The following NCLN variants were observed in gnomAD, a reference collection of about 807,000 sequenced individuals.
NCLN encodes the protein BOS complex subunit NCLN.
A neutral mutation model predicts 69.5 loss-of-function variants in NCLN; 34 were observed. That is an observed-to-expected ratio of 0.49 (90% CI 0.37 to 0.65). The LOEUF is 0.65. NCLN is among the 30% of genes least tolerant of loss of function. The pLI, the probability that NCLN is intolerant of heterozygous loss-of-function variation, is 0.00. For synonymous variants in NCLN, 393 were observed against 358.3 expected, an observed-to-expected ratio of 1.10 and a Z score of -1.09; for missense variants, 710 against 804.8, an observed-to-expected ratio of 0.88 and a Z score of 1.42.
chr19:3,200,702 A>T (rs989718999), intron 5 of NCLN, among the ~76,000 whole-genome samples: 2 of 152,056 alleles, frequency 1.3e-5, no homozygotes, highest in Admixed American at 6.5e-5. Context: ...TACGGTCTCC[A>T]CCTCTAATTC....
rs749285657 is a variant in NCLN, at chr19:3,208,126, C to T, written c.*438C>T. 3.5e-5 allele frequency: 6 copies of T among 170,846 alleles called. No individual in the cohort carries two copies. 10.6% of individuals were successfully genotyped at this position (170,846 alleles called of 1,614,324 possible). A position where few individuals can be genotyped will look rare whatever the true frequency, so the allele number is the denominator to read the frequency against. On this transcript the variant is annotated 3_prime_UTR_variant, in exon 15 of 15. Transcript: ENST00000246117. Reference sequence around the variant, plus strand: ...ACCTGCTCCCTGCTCCGTGTCTGTCCTAGGACGTCCCCTCCCGCTCCCCGA... The same window carrying T: ...ACCTGCTCCCTGCTCCGTGTCTGTCTTAGGACGTCCCCTCCCGCTCCCCGA...
intron 1 of NCLN, among the ~76,000 whole-genome samples, chr19:3,191,029 C>G (rs1389494485): frequency 1.4e-5 from 2 of 144,794 alleles, no homozygotes; most frequent in East Asian, 4.1e-4. Context: ...GCAGGGAGAT[C>G]GTCGTGGTGC....
intron 1 of NCLN, among the ~76,000 whole-genome samples, chr19:3,188,775 G>A (rs1182657786): frequency 2.6e-5 from 4 of 152,200 alleles, no homozygotes; most frequent in Admixed American, 6.5e-5. Flanking sequence ...TGGGGCAGCC[G>A]CCCTGCCTCA....
chr19:3,206,338 A>G lies in NCLN; in HGVS notation c.1412A>G (p.Lys471Arg), dbSNP rs1916268290. 2 of 1,548,226 alleles carry G rather than the reference A, an allele frequency of 1.3e-6. No individual in the cohort carries two copies. The change falls in exon 12 of 15, where the codon AAG becomes AGG. Residue 471 changes from lysine (K) to arginine (R), a missense_variant. By Grantham distance (26) the Lys-to-Arg change is conservative (BLOSUM62 2). Transcript: ENST00000246117. ...NQPRAAQLVD[K>R]DSTFLSTLEH... ...CCGCGGGCCGCGCAGCTGGTGGACA[A>G]GGACAGCACCTTCCTCAGCACGCTG...
At chr19:3,192,252 G>GCC (rs2144898315) in intron 1 of NCLN, among the ~76,000 whole-genome samples, 1 of 152,262 alleles carries the variant, frequency 6.6e-6, no homozygotes, top group East Asian at 1.9e-4. Context: ...GTGGCACTGA[G>GCC]CCTGTGGGCA....
chr19:3,199,885 A>G (rs1338867163), intron 5 of NCLN, among the ~76,000 whole-genome samples: 2 of 151,526 alleles, frequency 1.3e-5, no homozygotes, highest in Non-Finnish European at 2.9e-5. Context: ...TATTTTTAGT[A>G]GAGACGGGGT....
chr19:3,193,570 G>A lies in NCLN; in HGVS notation c.520+142G>A, dbSNP rs992499253. 19 of 1,028,216 alleles carry A rather than the reference G, an allele frequency of 1.8e-5. No individual in the cohort carries two copies. In the Admixed American group the frequency reaches 5.9e-4, roughly 32 times the overall value. The allele number at this position is 1,028,216 out of a possible 1,614,324, so 63.7% of individuals were successfully genotyped here. A position where few individuals can be genotyped will look rare whatever the true frequency, so the allele number is the denominator to read the frequency against. The stretch of plus-strand genomic sequence containing the variant: ...CCGGGGTTAACAGTGGGGGTTCCTG[G>A]GCCCCGTGTGGACCTGCTACATCAC... On this transcript the variant is annotated intron_variant, in intron 3 of 14. Transcript: ENST00000246117.
chr19:3,189,775 C>T lies in NCLN; in HGVS notation c.185-2695C>T, dbSNP rs536300694. ...CTGGGGCCACCCAAGGCCATCTGTT[C>T]TCCTGGGGAGATGGGCCTTGGCCAC... On this transcript the variant is annotated intron_variant, in intron 1 of 14. Coordinates refer to ENST00000246117, the MANE Select transcript of NCLN (RefSeq NM_020170.4). Among the ~76,000 whole-genome samples, 69 of 152,374 alleles carry T rather than the reference C, an allele frequency of 4.5e-4. No individual in the cohort carries two copies. The Middle Eastern group carries it at 0.01, about 23-fold the overall frequency.
chr19:3,200,595 C>T (rs1916100957), intron 5 of NCLN, among the ~76,000 whole-genome samples: 1 of 152,160 alleles, frequency 6.6e-6, no homozygotes, highest in African/African-American at 2.4e-5. Flanking sequence ...CAGGCGTGAG[C>T]CACCGAGCCC....
At chr19:3,202,144 T>A (rs1435103701) in intron 6 of NCLN, among the ~76,000 whole-genome samples, 1 of 152,038 alleles carries the variant, frequency 6.6e-6, no homozygotes, top group African/African-American at 2.4e-5. Flanking sequence ...CCCGAGAGAC[T>A]ATGTCCCGTG....
chr19:3,191,244 A>C (rs12609042), intron 1 of NCLN, among the ~76,000 whole-genome samples: 1 of 151,882 alleles, frequency 6.6e-6, no homozygotes, highest in African/African-American at 2.4e-5. Context: ...TTTTGCTGAG[A>C]GAGGAGGGAA....
At chr19:3,196,989 A>T (rs888616464) in intron 4 of NCLN, among the ~76,000 whole-genome samples, 1 of 152,162 alleles carries the variant, frequency 6.6e-6, no homozygotes, top group Non-Finnish European at 1.5e-5. Flanking sequence ...GGGGTGCCCG[A>T]GTGGAAAAGC....
rs375496046 is a variant in NCLN at position 3,205,533 on chromosome 19, C to T, written c.1209-406C>T. Among the ~76,000 whole-genome samples, 93 of 152,308 alleles carry T rather than the reference C, an allele frequency of 6.1e-4. No homozygotes were observed. Among genetic ancestry groups the T allele is most frequent in the Middle Eastern group, 3.4e-3 (1 of 294 alleles). Reference sequence around the variant, plus strand: ...TTGCCAGGAAATGAGGGTGGGTGCACGGCTGTCCCAGCTGTGCTGAGCTCT... The same window carrying T: ...TTGCCAGGAAATGAGGGTGGGTGCATGGCTGTCCCAGCTGTGCTGAGCTCT... On this transcript the variant is annotated intron_variant, in intron 9 of 14. Transcript: ENST00000246117. This position sits in a 1 kb window ranked among gnomAD's most constrained non-coding sequence, Gnocchi z 4.6.
At chr19:3,192,391 G>A (rs1915848214) in intron 1 of NCLN, 79 bp from the exon 2 acceptor site, 3 of 1,220,270 alleles carry the variant, frequency 2.5e-6, no homozygotes, top group East Asian at 2.9e-5. Context: ...GCTGCTGAGT[G>A]GGTCCCTGGC....
chr19:3,206,623 G>C (rs766095165), intron 12 of NCLN, among the ~76,000 whole-genome samples, 198 bp downstream of exon 12: 15 of 152,314 alleles, frequency 9.8e-5, no homozygotes, highest in Non-Finnish European at 1.6e-4. Flanking sequence ...ATCACTTGAG[G>C]TCAGGAGTTC....
Position 3,186,146 on chromosome 19 carries a change from C to T in NCLN, c.116C>T (p.Ala39Val). ...VLLLVAPPLP[A>V]ADAAHEFTVY... ...CTGCTGGTGGCGCCGCCGCTGCCTG[C>T]CGCCGACGCCGCGCACGAGTTCACC... Residue 39 changes from alanine (A) to valine (V), a missense_variant, in exon 1 of 15, where the codon GCC becomes GTC. By Grantham distance (64) the Ala-to-Val change is moderately conservative. Coordinates refer to ENST00000246117, the MANE Select transcript of NCLN (RefSeq NM_020170.4). 1 of 1,596,212 alleles carries T rather than the reference C, an allele frequency of 6.3e-7. No homozygotes were observed. Among genetic ancestry groups the T allele is most frequent in the Non-Finnish European group, 8.5e-7 (1 of 1,173,596 alleles).
At chr19:3,198,218 ACCT>A (rs1035025229) in intron 4 of NCLN, among the ~76,000 whole-genome samples, 12 of 151,688 alleles carry the variant, frequency 7.9e-5, no homozygotes, top group African/African-American at 2.7e-4. Flanking sequence ...TAAAAACTTA[ACCT>A]CCTGGCCGGG....
intron 8 of NCLN, 75 bp from the exon 9 acceptor site, chr19:3,204,498 C>A: frequency 1.4e-6 from 2 of 1,438,646 alleles, no homozygotes; most frequent in South Asian, 2.9e-5. Flanking sequence ...TGGGAGGCCC[C>A]TGGAGCATTT....
In NCLN at chr19:3,192,416, T is replaced by TC. The variant is rs936488212; in HGVS notation, c.185-51dup. 3.4e-6 allele frequency: 5 copies of TC among 1,456,100 alleles called. No individual in the cohort carries two copies. The African/African-American group carries it at 7.3e-5, about 21-fold the overall frequency. 90.2% of individuals were successfully genotyped at this position (1,456,100 alleles called of 1,614,324 possible). ...GGGTCCCTGGCCTGGATCTGTCCCC[T>TC]CCCGTCGGCCTGGCCACCCGCCGAG... On this transcript the variant is annotated intron_variant, in intron 1 of 14. Transcript: ENST00000246117.
Sources: gnomAD v4.1 joint callset for allele counts (sites outside exome capture counted in the v4.1 genomes callset) on GRCh38, gnomAD v4.1.1 for gene constraint, Gnocchi (gnomAD v3.1) non-coding constraint, MANE v1.5 for transcripts, NCBI Gene and HGNC (gene_info 2026-07-23, HGNC 2026-07-21) for gene names.